Variants in PIGV observed in about 807,000 individuals in gnomAD.
The protein encoded by PIGV is phosphatidylinositol glycan anchor biosynthesis class V.
In PIGV, 27 loss-of-function variants were observed where a neutral mutation model predicts 39.2. The ratio of observed to expected loss-of-function variants is 0.69; its 90% CI spans 0.51 to 0.95. The LOEUF (loss-of-function observed/expected upper bound fraction) is 0.95, where lower values mean the gene tolerates loss of function less well. Ranked by LOEUF, PIGV falls within the 40% of genes least tolerant of loss-of-function variation. The pLI is 0.00. For synonymous variants in PIGV, 232 were observed against 241.7 expected (o/e 0.96, Z 0.37); for missense variants, 523 against 586.4 (o/e 0.89, Z 1.12).
chr1:26,790,592 G>A (rs972050348), intron 1 of PIGV, among the ~76,000 whole-genome samples, 167 bp from the exon 2 acceptor site: 4 of 152,228 alleles, frequency 2.6e-5, no homozygotes, highest in African/African-American at 7.2e-5. Context: ...GCTTCACAGT[G>A]ACACCTACTG....
chr1:26,797,898 TA>T lies in PIGV; in HGVS notation c.*59del. On this transcript the variant is annotated 3_prime_UTR_variant, in exon 4 of 4. Coordinates refer to ENST00000674202, the MANE Select transcript of PIGV (RefSeq NM_017837.4). Reference sequence around the variant, plus strand: ...CCAACTTAACCCAGGGGTCTGAAAGTAAAAATACACATTGGAACTGCCTCTG... The same window carrying T: ...CCAACTTAACCCAGGGGTCTGAAAGTAAAATACACATTGGAACTGCCTCTG... 1 of 1,483,662 alleles carries T rather than the reference TA, an allele frequency of 6.7e-7. No individual in the cohort carries two copies. Among genetic ancestry groups the T allele is most frequent in the South Asian group, 1.1e-5 (1 of 88,292 alleles). 91.9% of individuals were successfully genotyped at this position (1,483,662 alleles called of 1,614,324 possible).
intron 2 of PIGV, 39 bp downstream of exon 2, chr1:26,790,932 A>AGG: frequency 6.7e-7 from 1 of 1,499,394 alleles, no homozygotes; most frequent in Non-Finnish European, 9.3e-7. Context: ...TGCTATTGCT[A>AGG]CATGACTGGA....
In PIGV at chr1:26,794,600, T is replaced by C. The variant is rs968410236; in HGVS notation, c.566T>C (p.Val189Ala). The change falls in exon 3 of 4, where the codon GTC becomes GCC. Residue 189 changes from valine (V) to alanine (A), a missense_variant. Transcript: ENST00000674202. Reference protein sequence around the residue: ...SAMGQLERGRVWTSVLLFAFA... With the variant: ...SAMGQLERGRAWTSVLLFAFA... ...ATGGGGCAGCTGGAGAGGGGCCGAG[T>C]CTGGACTAGTGTACTCCTCTTTGCC... 1 of 1,614,066 alleles carries C rather than the reference T, an allele frequency of 6.2e-7. No individual in the cohort carries two copies. Among genetic ancestry groups the C allele is most frequent in the African/African-American group, 1.3e-5 (1 of 74,916 alleles).
chr1:26,797,424 T>A, intron 3 of PIGV, 139 bp from the exon 4 acceptor site: 2 of 762,220 alleles, frequency 2.6e-6, no homozygotes, highest in Non-Finnish European at 4.7e-6. Context: ...TAAGCTGTGT[T>A]CAATTTCTTT....
intron 2 of PIGV, among the ~76,000 whole-genome samples, chr1:26,791,194 C>T (rs977712916): frequency 1.3e-5 from 2 of 152,174 alleles, no homozygotes; most frequent in Non-Finnish European, 2.9e-5. Context: ...AGCTAGTGGT[C>T]TCTCCAACAG....
chr1:26,793,991 C>T (rs887750887), intron 2 of PIGV, 122 bp from the exon 3 acceptor site: 1 of 886,778 alleles, frequency 1.1e-6, no homozygotes, highest in Non-Finnish European at 1.8e-6. Context: ...GTAATCCTCC[C>T]ATCTCAGCCT....
intron 1 of PIGV, 186 bp downstream of exon 1, chr1:26,788,454 C>T (rs2081266706): frequency 6.6e-6 from 1 of 152,344 alleles, no homozygotes; most frequent in Non-Finnish European, 1.5e-5. Context: ...GGGTCCAGAG[C>T]TGCCGTTCAA....
rs774639954 is a variant in PIGV at position 26,798,672 on chromosome 1, G to A, written c.*828G>A. Among the ~76,000 whole-genome samples the A allele has an allele frequency of 2.0e-5, 3 of 152,210 alleles. No individual in the cohort carries two copies. The highest frequency in any genetic ancestry group is 2.1e-4 in the South Asian group (1 of 4,828). On this transcript the variant is annotated 3_prime_UTR_variant, in exon 4 of 4. Coordinates refer to ENST00000674202, the MANE Select transcript of PIGV (RefSeq NM_017837.4). ...CAGTGAGCTGAGTTTGCGCCACTGC[G>A]CTCCAGCCTGGGCAACAGAGTGAGG... is the stretch of plus-strand genomic sequence containing the variant.
chr1:26,791,446 C>T (rs1238233255), intron 2 of PIGV, among the ~76,000 whole-genome samples: 1 of 152,184 alleles, frequency 6.6e-6, no homozygotes, highest in Admixed American at 6.5e-5. Context: ...CTTTTCCCTC[C>T]GAGGCTCCCC....
Position 26,798,738 on chromosome 1 carries a change from C to G in PIGV, c.*894C>G, listed in dbSNP as rs570816924. ...AGTAAAAAATAAAAATAATACAAAT[C>G]TTTCCATGTGGCAAAAAGTAAAATA... On this transcript the variant is annotated 3_prime_UTR_variant, in exon 4 of 4. Transcript: ENST00000674202. Among the ~76,000 whole-genome samples the G allele has an allele frequency of 2.4e-4, 37 of 152,134 alleles. No homozygotes were observed. The highest frequency in any genetic ancestry group is 4.4e-4 in the Non-Finnish European group (30 of 68,030).
Position 26,799,812 on chromosome 1 carries a change from C to T in PIGV, c.*1968C>T, listed in dbSNP as rs2081430832. ...GCCCTTCTTGGCAAACGATGATCAC[C>T]CCTGCCCTAGTGTCCCTCCAGTTAG... On this transcript the variant is annotated 3_prime_UTR_variant, in exon 4 of 4. Coordinates refer to ENST00000674202, the MANE Select transcript of PIGV (RefSeq NM_017837.4). 6.6e-6 allele frequency among the ~76,000 whole-genome samples: 1 copy of T among 152,216 alleles called. No homozygotes were observed. The highest frequency in any genetic ancestry group is 1.5e-5 in the Non-Finnish European group (1 of 68,038).
At chr1:26,793,402 G>A (rs1195761805) in intron 2 of PIGV, among the ~76,000 whole-genome samples, 1 of 152,154 alleles carries the variant, frequency 6.6e-6, no homozygotes, top group Non-Finnish European at 1.5e-5. Context: ...GTTAAATCCA[G>A]TGGTCAGTTT....
chr1:26,797,184 T>C (rs2081394756), intron 3 of PIGV, among the ~76,000 whole-genome samples: 1 of 152,184 alleles, frequency 6.6e-6, no homozygotes, highest in Admixed American at 6.5e-5. Context: ...CCCATTTCCC[T>C]CTGCTTTGCC....
rs1057515475 is a variant in PIGV at position 26,798,211 on chromosome 1, A to G, written c.*367A>G. On this transcript the variant is annotated 3_prime_UTR_variant, in exon 4 of 4. Coordinates refer to ENST00000674202, the MANE Select transcript of PIGV (RefSeq NM_017837.4). ...AAGTGTAAATTTCATCAAAGGCATT[A>G]GCTGACAGGCTGGTAACAGTCCACA... 23 of 333,576 alleles carry G rather than the reference A, an allele frequency of 6.9e-5. No individual in the cohort carries two copies. Among genetic ancestry groups the G allele is most frequent in the Non-Finnish European group, 5.2e-5 (9 of 172,848 alleles). 20.7% of individuals were successfully genotyped at this position (333,576 alleles called of 1,614,324 possible). A position where few individuals can be genotyped will look rare whatever the true frequency, so the allele number is the denominator to read the frequency against.
At chr1:26,792,700 A>G (rs538315461) in intron 2 of PIGV, among the ~76,000 whole-genome samples, 1 of 152,338 alleles carries the variant, frequency 6.6e-6, no homozygotes, top group East Asian at 1.9e-4. Flanking sequence ...CCATCAGAGT[A>G]TATCCCTAAG....
chr1:26,798,582 A>G lies in PIGV; in HGVS notation c.*738A>G, dbSNP rs1468656957. Among the ~76,000 whole-genome samples the G allele has an allele frequency of 6.6e-6, 1 of 152,088 alleles. No individual in the cohort carries two copies. Among genetic ancestry groups the G allele is most frequent in the African/African-American group, 2.4e-5 (1 of 41,428 alleles). ...AAAAATTAGCCGTGCATGATGGTAC[A>G]CACCTGTAATCCTACTCGGGAGGCT... is the stretch of plus-strand genomic sequence containing the variant. On this transcript the variant is annotated 3_prime_UTR_variant, in exon 4 of 4. Coordinates refer to ENST00000674202, the MANE Select transcript of PIGV (RefSeq NM_017837.4).
rs2081258729 is a variant in PIGV at position 26,787,999 on chromosome 1, C to T, written c.-327C>T. 1.3e-5 allele frequency: 2 copies of T among 152,322 alleles called. No homozygotes were observed. The highest frequency in any genetic ancestry group is 1.3e-4 in the Admixed American group (2 of 15,282). The allele number at this position is 152,322 out of a possible 1,614,324, so 9.4% of individuals were successfully genotyped here. ...GGATGGAGGAGCTGAGGTTCGGTCC[C>T]CGCCGGGGAGGTCGGGACGGGCAGG... On this transcript the variant is annotated 5_prime_UTR_variant, in exon 1 of 4. Coordinates refer to ENST00000674202, the MANE Select transcript of PIGV (RefSeq NM_017837.4).
Position 26,795,069 on chromosome 1 carries a change from C to T in PIGV, c.1035C>T (p.Tyr345=), listed in dbSNP as rs781067583. Residue 345 remains tyrosine (Y), a synonymous_variant, in exon 3 of 4, where the codon TAC becomes TAT. Transcript: ENST00000674202. Reference sequence around the variant, plus strand: ...TGGTTGCCTGGGCAACTTGGACATACGTGACCACTCACCCTTGGCTCTGCC... The same window carrying T: ...TGGTTGCCTGGGCAACTTGGACATATGTGACCACTCACCCTTGGCTCTGCC... The part of the protein sequence containing the change: ...AILVAWATWT[Y]VTTHPWLCLT... The T allele has an allele frequency of 1.9e-5, 31 of 1,614,206 alleles. No individual in the cohort carries two copies. Among genetic ancestry groups the T allele is most frequent in the East Asian group, 4.5e-5 (2 of 44,886 alleles).
In PIGV at chr1:26,797,715, A is replaced by C. The variant is rs2081403167; in HGVS notation, c.1353A>C (p.Arg451Ser). Reference sequence around the variant, plus strand: ...CCCCACCAGGACAAAAGGTCCCCAGAAATCCTATCATGGGACTTTTGTATC... The same window carrying C: ...CCCCACCAGGACAAAAGGTCCCCAGCAATCCTATCATGGGACTTTTGTATC... ...EDSPPGQKVP[R>S]NPIMGLLYHW... Residue 451 changes from arginine (R) to serine (S), a missense_variant, in exon 4 of 4, where the codon AGA becomes AGC. Physicochemically the swap from Arg to Ser is moderately radical, Grantham distance 110. Coordinates refer to ENST00000674202, the MANE Select transcript of PIGV (RefSeq NM_017837.4). 1 of 1,614,044 alleles carries C rather than the reference A, an allele frequency of 6.2e-7. No individual in the cohort carries two copies. Among genetic ancestry groups the C allele is most frequent in the Non-Finnish European group, 8.5e-7 (1 of 1,180,022 alleles).
Sources: allele counts gnomAD v4.1 joint callset (sites outside exome capture counted in the v4.1 genomes callset), GRCh38; gene constraint gnomAD v4.1.1; transcripts MANE v1.5; gene names NCBI Gene and HGNC (gene_info 2026-07-23, HGNC 2026-07-21).